NYAP2: variants seen among roughly 807,000 people sequenced by gnomAD.
NYAP2 encodes neuronal tyrosine-phosphorylated phosphoinositide-3-kinase adapter 2.
A neutral mutation model predicts 50.4 loss-of-function variants in NYAP2; 23 were observed. The ratio of observed to expected loss-of-function variants is 0.46; its 90% confidence interval spans 0.33 to 0.65. NYAP2 has a LOEUF of 0.65. Among genes scored for constraint, NYAP2 ranks in the 30% least tolerant of loss-of-function variants. NYAP2 has a pLI of 0.02. For synonymous variants in NYAP2, 394 were observed against 365.2 expected (o/e 1.08, Z -0.90); for missense variants, 885 against 861.0 (o/e 1.03, Z -0.35).
intron 5 of NYAP2, among the ~76,000 whole-genome samples, chr2:225,615,339 G>T (rs150023329): frequency 7.2e-4 from 110 of 152,230 alleles, no homozygotes; most frequent in African/African-American, 2.6e-3. Context: ...AAATGTTACT[G>T]AAATGTGCCA....
intron 6 of NYAP2, among the ~76,000 whole-genome samples, chr2:225,645,691 T>A (rs1190062569): frequency 6.6e-6 from 1 of 152,198 alleles, no homozygotes; most frequent in African/African-American, 2.4e-5. Context: ...AATTAGGATT[T>A]CCTTGGGGTA....
At chr2:225,639,419 G>A (rs550636723) in intron 6 of NYAP2, among the ~76,000 whole-genome samples, 2 of 152,082 alleles carry the variant, frequency 1.3e-5, no homozygotes, top group East Asian at 3.9e-4. Context: ...TGTCTCATCT[G>A]TACTTCACAA....
intron 3 of NYAP2, among the ~76,000 whole-genome samples, chr2:225,472,277 A>G (rs551149259): frequency 7.9e-5 from 12 of 152,306 alleles, no homozygotes; most frequent in African/African-American, 2.9e-4. Flanking sequence ...GTTGCTTTTT[A>G]CTTTTATTTG....
At chr2:225,456,411 G>A (rs185331972) in intron 3 of NYAP2, among the ~76,000 whole-genome samples, 91 of 152,246 alleles carry the variant, frequency 6.0e-4, no homozygotes, top group African/African-American at 2.0e-3. Context: ...CTCTGCCTTG[G>A]CCTCCCTTTC....
At chr2:225,661,650 A>T in the NYAP2 span, among the ~76,000 whole-genome samples, 1 of 152,106 alleles carries the variant, frequency 6.6e-6, no homozygotes, top group Non-Finnish European at 1.5e-5. Flanking sequence ...ATATAAAACC[A>T]GGTAGTTCTA....
intron 5 of NYAP2, among the ~76,000 whole-genome samples, chr2:225,589,926 A>C (rs1052997426): frequency 2.6e-5 from 4 of 152,050 alleles, no homozygotes; most frequent in African/African-American, 4.8e-5. Context: ...AGGCATGTTG[A>C]CTTTGGGCAG....
chr2:225,415,866 A>G (rs892157601), intron 3 of NYAP2, among the ~76,000 whole-genome samples: 1 of 151,966 alleles, frequency 6.6e-6, no homozygotes, highest in African/African-American at 2.4e-5. Context: ...TAACTAACCT[A>G]TGCTTTGAGC....
chr2:225,510,175 C>T (rs1347932468), intron 3 of NYAP2, among the ~76,000 whole-genome samples: 1 of 152,168 alleles, frequency 6.6e-6, no homozygotes. Context: ...CATTAAAAAA[C>T]ATTAGGGATT....
chr2:225,454,715 C>G (rs925477780), intron 3 of NYAP2, among the ~76,000 whole-genome samples: 1 of 152,136 alleles, frequency 6.6e-6, no homozygotes, highest in Non-Finnish European at 1.5e-5. Flanking sequence ...TTACACATTC[C>G]TTATGAAAAT....
chr2:225,542,845 A>C (rs1207299920), intron 4 of NYAP2, among the ~76,000 whole-genome samples: 3 of 151,986 alleles, frequency 2.0e-5, no homozygotes, highest in Non-Finnish European at 2.9e-5. Context: ...AATTGGTATT[A>C]GTTCTTCTTT....
intron 5 of NYAP2, among the ~76,000 whole-genome samples, chr2:225,615,596 C>T (rs112298157): frequency 3.7e-4 from 56 of 152,186 alleles, no homozygotes; most frequent in African/African-American, 1.3e-3. Flanking sequence ...GTGTGTGTTC[C>T]CCTGTGTTAC....
chr2:225,532,309 G>A (rs994489495), intron 4 of NYAP2, among the ~76,000 whole-genome samples: 1 of 152,114 alleles, frequency 6.6e-6, no homozygotes, highest in Non-Finnish European at 1.5e-5. Context: ...TGCTTTAATT[G>A]ACTTCAGTGA....
chr2:225,686,409 G>A, the NYAP2 span, among the ~76,000 whole-genome samples: 1 of 152,080 alleles, frequency 6.6e-6, no homozygotes, highest in Non-Finnish European at 1.5e-5. Context: ...TTTCACGGGT[G>A]AAGACTTTCT....
chr2:225,624,554 C>A (rs953085035), intron 5 of NYAP2, among the ~76,000 whole-genome samples: 2 of 152,078 alleles, frequency 1.3e-5, no homozygotes, highest in Admixed American at 6.6e-5. Flanking sequence ...GTGACTGGTA[C>A]CTCATAGGTT....
the NYAP2 span, among the ~76,000 whole-genome samples, chr2:225,676,601 C>T: frequency 5.9e-5 from 9 of 152,038 alleles, no homozygotes; most frequent in South Asian, 1.0e-3. Flanking sequence ...AGAGCTTGTA[C>T]AGAGCAACTT....
intron 3 of NYAP2, among the ~76,000 whole-genome samples, chr2:225,511,943 A>G (rs1480929500): frequency 6.6e-6 from 1 of 152,230 alleles, no homozygotes; most frequent in Non-Finnish European, 1.5e-5. Context: ...ACTCAGAGGT[A>G]CTTCTTACCA....
At chr2:225,411,420 G>C (rs918233559) in intron 3 of NYAP2, among the ~76,000 whole-genome samples, 1 of 152,064 alleles carries the variant, frequency 6.6e-6, no homozygotes, top group African/African-American at 2.4e-5. Context: ...CTGATGGGGG[G>C]GCAGGAGCTC....
chr2:225,545,457 T>G (rs1691562928), intron 4 of NYAP2, among the ~76,000 whole-genome samples: 1 of 152,110 alleles, frequency 6.6e-6, no homozygotes, highest in Non-Finnish European at 1.5e-5. Context: ...GCTTGATCAA[T>G]TCTGCTATTA....
chr2:225,497,508 T>C (rs1161414329), intron 3 of NYAP2, among the ~76,000 whole-genome samples: 1 of 152,226 alleles, frequency 6.6e-6, no homozygotes, highest in African/African-American at 2.4e-5. Context: ...GCTTTATCAG[T>C]TTGCCAAGGT....
Sources: allele counts gnomAD v4.1 joint callset (sites outside exome capture counted in the v4.1 genomes callset), GRCh38; gene constraint gnomAD v4.1.1; transcripts MANE v1.5; gene names NCBI Gene and HGNC (gene_info 2026-07-23, HGNC 2026-07-21).